Variants in ZNF644 observed in about 807,000 individuals in gnomAD.
ZNF644 encodes the protein zinc finger motif enhancer binding protein 2.
A neutral mutation model predicts 108.0 loss-of-function variants in ZNF644; 20 were observed. The observed-to-expected ratio is 0.19, with a 90% CI of 0.13 to 0.27. ZNF644 has a LOEUF of 0.27. Ranked by LOEUF, ZNF644 falls within the 10% of genes least tolerant of loss-of-function variation. ZNF644 has a pLI of 1.00. For synonymous variants in ZNF644, 542 were observed against 539.1 expected (o/e 1.01, Z -0.08); for missense variants, 1,338 against 1,548.9 (o/e 0.86, Z 2.29).
intron 2 of ZNF644, among the ~76,000 whole-genome samples, chr1:90,953,278 C>T (rs1267680921): frequency 6.7e-6 from 1 of 148,284 alleles, no homozygotes; most frequent in Non-Finnish European, 1.5e-5. Context: ...AAAGTGAATA[C>T]TGGAATAAAA....
rs551949338 is a variant in ZNF644, at chr1:90,997,015, T to C, written c.-17-14645A>G. Among the ~76,000 whole-genome samples, 7 of 152,198 alleles carry C rather than the reference T, an allele frequency of 4.6e-5. No individual in the cohort carries two copies. The South Asian group carries it at 1.0e-3, about 23-fold the overall frequency. On this transcript the variant is annotated intron_variant, in intron 1 of 5. Coordinates refer to ENST00000337393, the MANE Select transcript of ZNF644 (RefSeq NM_201269.3). Reference sequence around the variant, plus strand: ...ACCAAAGGACATTTGTCAAAAACAATCAGAGGTAATTGTTTCATATTGCAG... The same window carrying C: ...ACCAAAGGACATTTGTCAAAAACAACCAGAGGTAATTGTTTCATATTGCAG...
At chr1:90,956,993 A>G (rs1653815630) in intron 2 of ZNF644, among the ~76,000 whole-genome samples, 1 of 152,190 alleles carries the variant, frequency 6.6e-6, no homozygotes, top group Non-Finnish European at 1.5e-5. Flanking sequence ...CTTAAAAATT[A>G]AAAGAATTAT....
chr1:90,999,100 CCAAGTAGGAAAA>C (rs1658486660), intron 1 of ZNF644, among the ~76,000 whole-genome samples: 1 of 152,160 alleles, frequency 6.6e-6, no homozygotes, highest in Non-Finnish European at 1.5e-5. Flanking sequence ...AAGAATGAAA[CCAAGTAGGAAAA>C]CACTCTGCAG....
intron 2 of ZNF644, among the ~76,000 whole-genome samples, chr1:90,946,930 G>A (rs1652575956): frequency 6.6e-6 from 1 of 152,050 alleles, no homozygotes; most frequent in Admixed American, 6.6e-5. Context: ...AATAACTCAA[G>A]ATCATTCTTA....
intron 1 of ZNF644, chr1:91,021,761 A>G (rs939449669): frequency 6.5e-6 from 2 of 309,508 alleles, no homozygotes; most frequent in South Asian, 1.6e-4. Flanking sequence ...CTCCTTGTGT[A>G]GCACCAACTC....
intron 2 of ZNF644, among the ~76,000 whole-genome samples, chr1:90,967,377 T>C (rs1655012705): frequency 6.6e-6 from 1 of 152,214 alleles, no homozygotes; most frequent in South Asian, 2.1e-4. Flanking sequence ...CAAATGCTCT[T>C]ACAGAACGGT....
intron 4 of ZNF644, 70 bp from the exon 5 acceptor site, chr1:90,918,224 T>C: frequency 7.7e-7 from 1 of 1,304,418 alleles, no homozygotes; most frequent in Non-Finnish European, 1.1e-6. Flanking sequence ...CATATTTTTC[T>C]AGAGAGGTCA....
chr1:90,972,504 G>A (rs1249677717), intron 2 of ZNF644, among the ~76,000 whole-genome samples: 1 of 152,190 alleles, frequency 6.6e-6, no homozygotes, highest in Non-Finnish European at 1.5e-5. Context: ...AGGAACATTT[G>A]TGCACTGTTG....
intron 1 of ZNF644, among the ~76,000 whole-genome samples, chr1:90,986,700 C>G (rs1426455318): frequency 6.6e-6 from 1 of 151,848 alleles, no homozygotes; most frequent in African/African-American, 2.4e-5. Flanking sequence ...TTTTAGAAAA[C>G]TAAACACTGA....
intron 1 of ZNF644, among the ~76,000 whole-genome samples, chr1:90,983,018 C>A (rs1472056446): frequency 6.6e-6 from 1 of 151,922 alleles, no homozygotes; most frequent in African/African-American, 2.4e-5. Flanking sequence ...AAAAATATAT[C>A]CACCATTACT....
chr1:90,963,175 GA>G (rs1308344295), intron 2 of ZNF644, among the ~76,000 whole-genome samples: 3 of 152,084 alleles, frequency 2.0e-5, no homozygotes, highest in Non-Finnish European at 4.4e-5. Context: ...CAGTAAGTTA[GA>G]AAGCTCAATA....
Position 90,940,414 on chromosome 1 carries a change from C to T in ZNF644, c.940G>A (p.Val314Ile). 1.2e-6 allele frequency: 2 copies of T among 1,613,610 alleles called. No homozygotes were observed. The highest frequency in any genetic ancestry group is 1.7e-6 in the Non-Finnish European group (2 of 1,179,918). Residue 314 changes from valine (V) to isoleucine (I), a missense_variant, in exon 3 of 6, where the codon GTA becomes ATA. Val to Ile is a conservative substitution (Grantham distance 29). Transcript: ENST00000337393. Reference protein sequence around the residue: ...TEDCFSDSNCVPNKSKMQEVD... With the variant: ...TEDCFSDSNCIPNKSKMQEVD... ...TCTTGCATTTTTGATTTATTGGGTA[C>T]ACAATTAGAATCACTAAAGCAATCC...
intron 2 of ZNF644, among the ~76,000 whole-genome samples, chr1:90,961,841 G>C (rs190014762): frequency 5.3e-5 from 8 of 152,038 alleles, no homozygotes; most frequent in African/African-American, 1.9e-4. Flanking sequence ...TGTCACACTG[G>C]GTAAGTACTA....
intron 2 of ZNF644, among the ~76,000 whole-genome samples, chr1:90,955,603 C>T (rs968492402): frequency 2.6e-5 from 4 of 152,216 alleles, no homozygotes; most frequent in African/African-American, 9.6e-5. Context: ...CCTCATGAAT[C>T]CACCTCTGTT....
intron 4 of ZNF644, among the ~76,000 whole-genome samples, chr1:90,925,889 T>C (rs781216019): frequency 4.6e-5 from 7 of 152,178 alleles, no homozygotes; most frequent in Non-Finnish European, 1.0e-4. Context: ...TACAGCAGAC[T>C]GAATGGACAC....
chr1:90,963,423 A>G (rs1654528632), intron 2 of ZNF644, among the ~76,000 whole-genome samples: 1 of 152,152 alleles, frequency 6.6e-6, no homozygotes, highest in Non-Finnish European at 1.5e-5. Flanking sequence ...TTCATGTGTC[A>G]TCTTCTAAAT....
Position 90,939,128 on chromosome 1 carries a change from G to A in ZNF644, c.2226C>T (p.His742=), listed in dbSNP as rs1376515816. 6.2e-7 allele frequency: 1 copy of A among 1,613,686 alleles called. No homozygotes were observed. The highest frequency in any genetic ancestry group is 2.2e-5 in the East Asian group (1 of 44,872). The change falls in exon 3 of 6, where the codon CAC becomes CAT. Residue 742 remains histidine (H), a synonymous_variant. Coordinates refer to ENST00000337393, the MANE Select transcript of ZNF644 (RefSeq NM_201269.3). ...AKANSHYLYR[H]KYENYRMIKK... is the part of the protein sequence containing the mutation. ...TGATCATCCTATAGTTTTCATATTT[G>A]TGTCTATACAAATAGTGGCTATTTG...
chr1:90,929,737 C>A (rs1650501746), intron 4 of ZNF644, among the ~76,000 whole-genome samples: 1 of 152,100 alleles, frequency 6.6e-6, no homozygotes, highest in Admixed American at 6.5e-5. Flanking sequence ...TGATACTGTG[C>A]TATATGTTCA....
chr1:90,939,154 C>T lies in ZNF644; in HGVS notation c.2200G>A (p.Ala734Thr). Residue 734 changes from alanine to threonine, a missense_variant, in exon 3 of 6, where the codon GCA becomes ACA. By Grantham distance (58) the Ala-to-Thr change is moderately conservative. This residue lies in a region of ZNF644 where 462 missense variants were observed against 472.6 expected (regional missense o/e 0.98). Transcript: ENST00000337393. ...TGTCTATACAAATAGTGGCTATTTG[C>T]CTTGGCATTAGACTTTTCTTTTGCT... The part of the protein sequence containing the change: ...QAAKEKSNAK[A>T]NSHYLYRHKY... The T allele has an allele frequency of 1.9e-6, 3 of 1,613,630 alleles. No homozygotes were observed. The highest frequency in any genetic ancestry group is 1.6e-4 in the Middle Eastern group (1 of 6,062).
Sources: gnomAD v4.1 joint callset for allele counts (sites outside exome capture counted in the v4.1 genomes callset) on GRCh38, gnomAD v4.1.1 for gene constraint, gnomAD v4.1.1 regional missense constraint, MANE v1.5 for transcripts, NCBI Gene and HGNC (gene_info 2026-07-23, HGNC 2026-07-21) for gene names.